GRID2: variants seen among roughly 807,000 people sequenced by gnomAD.
GRID2 encodes glutamate ionotropic receptor delta type subunit 2, also known as glutamate receptor ionotropic, delta-2.
In GRID2, 33 loss-of-function variants were observed where a neutral mutation model predicts 114.8. That is an observed-to-expected ratio of 0.29 (90% CI 0.22 to 0.38). The LOEUF (loss-of-function observed/expected upper bound fraction) is 0.38. Among genes scored for constraint, GRID2 ranks in the 10% least tolerant of loss-of-function variants. The probability of loss-of-function intolerance (pLI) is 1.00; values close to 1 mark genes in which losing one functional copy is unlikely to be tolerated. For synonymous variants in GRID2, 505 were observed against 449.9 expected, an observed-to-expected ratio of 1.12 and a Z score of -1.55; for missense variants, 1,184 against 1,257.7, an observed-to-expected ratio of 0.94 and a Z score of 0.89.
At chr4:92,578,601 C>T (rs1347893932) in intron 1 of GRID2, among the ~76,000 whole-genome samples, 1 of 152,034 alleles carries the variant, frequency 6.6e-6, no homozygotes, top group Non-Finnish European at 1.5e-5. Flanking sequence ...TTTATGGAAG[C>T]ATGGCCTAGT....
intron 2 of GRID2, among the ~76,000 whole-genome samples, chr4:92,997,032 G>A (rs1755243908): frequency 6.6e-6 from 1 of 152,154 alleles, no homozygotes; most frequent in Admixed American, 6.6e-5. Context: ...ACCAACTGCT[G>A]TCTTGATGAT....
intron 2 of GRID2, among the ~76,000 whole-genome samples, chr4:93,012,968 C>T (rs571296423): frequency 2.6e-5 from 4 of 151,844 alleles, no homozygotes; most frequent in Non-Finnish European, 5.9e-5. Context: ...GAATCTAAAA[C>T]TCCTTTAATA....
At chr4:92,581,080 G>C (rs932005836) in intron 1 of GRID2, among the ~76,000 whole-genome samples, 1 of 151,572 alleles carries the variant, frequency 6.6e-6, no homozygotes, top group South Asian at 2.1e-4. Flanking sequence ...ACAAGGTTCT[G>C]GTTGAATCTT....
chr4:92,452,964 G>A lies in GRID2; in HGVS notation c.89-137167G>A, dbSNP rs193000322. The stretch of plus-strand genomic sequence containing the variant: ...GACAGGTGTGTGTGTGTGTGTGTGT[G>A]TGCATACACTTATGCATTTGTTAGT... On this transcript the variant is annotated intron_variant, in intron 1 of 15. Transcript: ENST00000282020. 9.6e-3 allele frequency among the ~76,000 whole-genome samples: 1,443 copies of A among 150,806 alleles called. 21 individuals are homozygous for A. Among genetic ancestry groups the A allele is most frequent in the Middle Eastern group, 0.05 (14 of 282 alleles).
At chr4:93,802,379 AGT>A (rs143346784) in intron 1 of GRID2, among the ~76,000 whole-genome samples, 12 of 150,964 alleles carry the variant, frequency 7.9e-5, no homozygotes, top group Admixed American at 1.3e-4. Flanking sequence ...TGTGAGAGTG[AGT>A]GTGTGTGTGT....
At chr4:92,993,671 C>G (rs1007709287) in intron 2 of GRID2, among the ~76,000 whole-genome samples, 2 of 152,182 alleles carry the variant, frequency 1.3e-5, no homozygotes. Context: ...ATTGTTTCCA[C>G]ATAGATCTCA....
At chr4:93,456,018 G>A (rs1247376020) in intron 11 of GRID2, 44 bp downstream of exon 11, 2 of 1,149,456 alleles carry the variant, frequency 1.7e-6, no homozygotes, top group Admixed American at 3.4e-5. Context: ...AAAATAGAAT[G>A]TGATGTTTCC....
At chr4:92,999,713 A>G (rs1334514604) in intron 2 of GRID2, among the ~76,000 whole-genome samples, 2 of 151,558 alleles carry the variant, frequency 1.3e-5, no homozygotes, top group East Asian at 3.9e-4. Context: ...CTCTGATCAC[A>G]GCTTCTTTTG....
At chr4:92,844,558 C>T (rs1743154506) in intron 2 of GRID2, among the ~76,000 whole-genome samples, 1 of 151,740 alleles carries the variant, frequency 6.6e-6, no homozygotes, top group Admixed American at 6.6e-5. Context: ...TCATCATCAT[C>T]CACCTTTAAA....
intron 10 of GRID2, among the ~76,000 whole-genome samples, chr4:93,447,365 A>C (rs1345116569): frequency 1.3e-5 from 2 of 151,986 alleles, no homozygotes; most frequent in Non-Finnish European, 2.9e-5. Flanking sequence ...TCATAAATCA[A>C]TAGGGTTAAT....
chr4:93,549,893 A>G (rs1407356300), intron 13 of GRID2, among the ~76,000 whole-genome samples: 2 of 152,180 alleles, frequency 1.3e-5, no homozygotes, highest in African/African-American at 2.4e-5. Context: ...AACTACACTA[A>G]CTTGTAGTCA....
intron 11 of GRID2, among the ~76,000 whole-genome samples, chr4:93,459,180 C>CAAA (rs57937928): frequency 1.0e-4 from 5 of 50,030 alleles, no homozygotes; most frequent in Admixed American, 3.6e-4. Flanking sequence ...AACTCCATCT[C>CAAA]AAAAAAAAAA....
intron 14 of GRID2, among the ~76,000 whole-genome samples, chr4:93,644,501 T>C (rs1340391389): frequency 6.6e-6 from 1 of 152,190 alleles, no homozygotes; most frequent in Non-Finnish European, 1.5e-5. Flanking sequence ...ATTTTTGTTC[T>C]GATGATTTTT....
At chr4:93,142,710 T>G (rs1735882092) in intron 4 of GRID2, among the ~76,000 whole-genome samples, 1 of 152,200 alleles carries the variant, frequency 6.6e-6, no homozygotes, top group Non-Finnish European at 1.5e-5. Flanking sequence ...TTTCATGCTA[T>G]TCAACCACGT....
At chr4:93,778,677 C>G (rs72875983), downstream of GRID2, among the ~76,000 whole-genome samples, 1 of 152,072 alleles carries the variant, frequency 6.6e-6, no homozygotes, top group African/African-American at 2.4e-5. Context: ...AGATTACAGG[C>G]GTGAGCCACC....
intron 9 of GRID2, among the ~76,000 whole-genome samples, chr4:93,400,508 G>A (rs942947318): frequency 6.6e-6 from 1 of 151,990 alleles, no homozygotes; most frequent in South Asian, 2.1e-4. Flanking sequence ...AGCAATAAAT[G>A]ACCAATTAAG....
intron 2 of GRID2, among the ~76,000 whole-genome samples, chr4:93,017,249 G>A (rs1722837552): frequency 6.6e-6 from 1 of 152,100 alleles, no homozygotes; most frequent in Admixed American, 6.6e-5. Flanking sequence ...TGTTAACTAT[G>A]TATGTAGGTT....
chr4:93,723,473 T>A (rs937787498), intron 14 of GRID2, among the ~76,000 whole-genome samples: 1 of 152,212 alleles, frequency 6.6e-6, no homozygotes, highest in Non-Finnish European at 1.5e-5. Flanking sequence ...CCAATCAGAA[T>A]TGATGTTAGC....
chr4:93,455,257 A>T (rs968812705), intron 10 of GRID2, among the ~76,000 whole-genome samples: 14 of 152,270 alleles, frequency 9.2e-5, no homozygotes, highest in Non-Finnish European at 1.8e-4. Context: ...CTAGTAATTT[A>T]CATGTTAAGA....
Sources: allele counts gnomAD v4.1 joint callset (sites outside exome capture counted in the v4.1 genomes callset), GRCh38; gene constraint gnomAD v4.1.1; transcripts MANE v1.5; gene names NCBI Gene and HGNC (gene_info 2026-07-23, HGNC 2026-07-21).